ERI3: variants seen among roughly 807,000 people sequenced by gnomAD.
The protein encoded by ERI3 is ERI1 exoribonuclease 3.
In ERI3, 18 loss-of-function variants were observed where a neutral mutation model predicts 44.4. The ratio of observed to expected loss-of-function variants is 0.41; its 90% CI spans 0.28 to 0.60. The LOEUF (loss-of-function observed/expected upper bound fraction) is 0.60. Ranked by LOEUF, ERI3 falls within the 20% of genes least tolerant of loss-of-function variation. The pLI, the probability that ERI3 is intolerant of heterozygous loss-of-function variation, is 0.36. For missense variants in ERI3, 294 were observed against 435.5 expected (o/e 0.68, Z 2.89); for synonymous variants, 183 against 164.8 (o/e 1.11, Z -0.84).
intron 3 of ERI3, among the ~76,000 whole-genome samples, chr1:44,328,293 C>T (rs1465998502): frequency 6.9e-6 from 1 of 143,940 alleles, no homozygotes; most frequent in Non-Finnish European, 1.5e-5. Context: ...TCTCCGTAAG[C>T]AGGCAGGAAT....
intron 7 of ERI3, among the ~76,000 whole-genome samples, chr1:44,270,118 G>A (rs558389093): frequency 1.3e-5 from 2 of 151,952 alleles, no homozygotes; most frequent in African/African-American, 4.8e-5. Flanking sequence ...CCAGTTTCAG[G>A]GTCTAGAGTA....
chr1:44,327,786 A>G (rs1289888873), intron 3 of ERI3, among the ~76,000 whole-genome samples: 1 of 152,242 alleles, frequency 6.6e-6, no homozygotes, highest in Non-Finnish European at 1.5e-5. Context: ...AACAAAGTGG[A>G]GGAAAGGCAT....
At position 44,352,903 on chromosome 1, in the gene ERI3, G is replaced by T; in HGVS notation, c.158C>A (p.Thr53Lys). ...GGCAGCTGGGGATGCTGAAGGTTCTGTGAGAGCTGGAAAGCCCCAATGCTG... is the reference window on the plus strand; with the variant it reads ...GGCAGCTGGGGATGCTGAAGGTTCTTTGAGAGCTGGAAAGCCCCAATGCTG... ...HPGHWGFPAL[T>K]EPSASPAAGL... Residue 53 changes from threonine (T) to lysine (K), a missense_variant, in exon 2 of 9, where the codon ACA becomes AAA. Transcript: ENST00000372257. 1.2e-6 allele frequency: 2 copies of T among 1,614,176 alleles called. No individual in the cohort carries two copies. Among genetic ancestry groups the T allele is most frequent in the African/African-American group, 1.3e-5 (1 of 75,044 alleles).
intron 7 of ERI3, among the ~76,000 whole-genome samples, chr1:44,271,589 C>T (rs1645088511): frequency 6.6e-6 from 1 of 152,206 alleles, no homozygotes; most frequent in Non-Finnish European, 1.5e-5. Context: ...AGTTTCCTCA[C>T]CTGTACAATG....
At chr1:44,344,067 C>T (rs1035583896) in intron 2 of ERI3, among the ~76,000 whole-genome samples, 2 of 151,756 alleles carry the variant, frequency 1.3e-5, no homozygotes, top group Non-Finnish European at 2.9e-5. Context: ...GGCAAAACCC[C>T]ATCTCTACTA....
rs1553189558 is a variant in ERI3, at chr1:44,281,601, A to AATATAT, written c.831+3228_831+3233dup. 2.9e-3 allele frequency among the ~76,000 whole-genome samples: 370 copies of AATATAT among 127,964 alleles called. 5 individuals are homozygous for AATATAT. Among genetic ancestry groups the AATATAT allele is most frequent in the South Asian group, 9.2e-3 (38 of 4,124 alleles). 83.9% of individuals were successfully genotyped at this position (127,964 alleles called of 152,430 possible). On this transcript the variant is annotated intron_variant, in intron 7 of 8. Transcript: ENST00000372257. The stretch of plus-strand genomic sequence containing the variant: ...AGACCCCGTCTCGAAAAAAAAAAAA[A>AATATAT]ATATATATATATATATATAATATAT...
intron 2 of ERI3, among the ~76,000 whole-genome samples, chr1:44,342,808 AG>A (rs1646681496): frequency 1.4e-5 from 1 of 73,804 alleles, no homozygotes; most frequent in Non-Finnish European, 2.7e-5. Flanking sequence ...CACCACATCC[AG>A]CTAATATATA....
chr1:44,235,539 AAAG>A lies in ERI3; in HGVS notation c.931+12397_931+12399del, dbSNP rs1198302089. Among the ~76,000 whole-genome samples, 1 of 152,156 alleles carries A rather than the reference AAAG, an allele frequency of 6.6e-6. No individual in the cohort carries two copies. Among genetic ancestry groups the A allele is most frequent in the Non-Finnish European group, 1.5e-5 (1 of 68,044 alleles). On this transcript the variant is annotated intron_variant, in intron 8 of 8. Transcript: ENST00000372257. This position sits in a 1 kb window ranked among gnomAD's most constrained non-coding sequence, Gnocchi z 4.6. The stretch of plus-strand genomic sequence containing the variant: ...GAGACACTCAAGAAATACATACTGA[AAAG>A]AAGGAAGGAAGGACTAGAGGAAAAG...
chr1:44,279,014 TA>T (rs1645235355), intron 7 of ERI3, among the ~76,000 whole-genome samples: 1 of 152,242 alleles, frequency 6.6e-6, no homozygotes, highest in Admixed American at 6.5e-5. Flanking sequence ...TAGTGGAAAT[TA>T]TGTTGGAAAA....
At chr1:44,244,942 C>A (rs1378654623) in intron 8 of ERI3, among the ~76,000 whole-genome samples, 2 of 152,126 alleles carry the variant, frequency 1.3e-5, no homozygotes, top group Non-Finnish European at 2.9e-5. Context: ...CTGCAGCACC[C>A]TTGCCTGGAA....
chr1:44,339,464 C>T, intron 2 of ERI3, 142 bp from the exon 3 acceptor site: 1 of 865,494 alleles, frequency 1.2e-6, no homozygotes, highest in East Asian at 2.8e-5. Flanking sequence ...ATGGGCCACT[C>T]CCCAGTGTTT....
intron 6 of ERI3, among the ~76,000 whole-genome samples, chr1:44,307,322 G>A (rs770466636): frequency 2.6e-5 from 4 of 152,106 alleles, no homozygotes; most frequent in Admixed American, 6.5e-5. Flanking sequence ...GTGAGGAGAT[G>A]ACACCTGATG....
chr1:44,338,917 G>C, intron 3 of ERI3, 128 bp downstream of exon 3: 13 of 1,163,388 alleles, frequency 1.1e-5, no homozygotes, highest in Non-Finnish European at 1.6e-5. Flanking sequence ...TTCCTAGACA[G>C]GAACTCTAAA....
At chr1:44,276,220 G>C (rs148981312) in intron 7 of ERI3, among the ~76,000 whole-genome samples, 44 of 152,322 alleles carry the variant, frequency 2.9e-4, no homozygotes, top group African/African-American at 1.0e-3. Flanking sequence ...TCGAACATTA[G>C]GGATCAAATT....
intron 6 of ERI3, among the ~76,000 whole-genome samples, 171 bp downstream of exon 6, chr1:44,308,139 G>A (rs1645878755): frequency 6.6e-6 from 1 of 152,174 alleles, no homozygotes; most frequent in Non-Finnish European, 1.5e-5. Flanking sequence ...CCCACACCCT[G>A]CTCCAGAGAG....
At chr1:44,317,910 G>C (rs942766137) in intron 4 of ERI3, among the ~76,000 whole-genome samples, 2 of 152,198 alleles carry the variant, frequency 1.3e-5, no homozygotes, top group Non-Finnish European at 2.9e-5. Flanking sequence ...ATCATGGCGA[G>C]TTTTGAGCTC....
intron 4 of ERI3, among the ~76,000 whole-genome samples, chr1:44,316,753 G>A (rs534144452): frequency 1.3e-5 from 2 of 152,202 alleles, no homozygotes; most frequent in Admixed American, 6.5e-5. Context: ...TTAGCAAAAT[G>A]AGTATTTCTC....
At chr1:44,261,338 C>G (rs902901539) in intron 7 of ERI3, among the ~76,000 whole-genome samples, 1 of 152,266 alleles carries the variant, frequency 6.6e-6, no homozygotes, top group Non-Finnish European at 1.5e-5. Context: ...ATCAAGCTCA[C>G]GCAGGCCGCC....
intron 3 of ERI3, 25 bp from the exon 4 acceptor site, chr1:44,319,769 G>A (rs370297517): frequency 1.3e-6 from 2 of 1,504,650 alleles, no homozygotes; most frequent in Non-Finnish European, 9.2e-7. Context: ...ATACAGAAAA[G>A]GAAAAATAAG....
Sources: gnomAD v4.1 joint callset for allele counts (sites outside exome capture counted in the v4.1 genomes callset) on GRCh38, gnomAD v4.1.1 for gene constraint, Gnocchi (gnomAD v3.1) non-coding constraint, MANE v1.5 for transcripts, NCBI Gene and HGNC (gene_info 2026-07-23, HGNC 2026-07-21) for gene names.